TMEM132B: variants seen among roughly 807,000 people sequenced by gnomAD.
TMEM132B encodes transmembrane protein 132B.
Under a neutral mutation model 90.8 loss-of-function variants are expected in TMEM132B, and 18 were observed. The observed-to-expected ratio is 0.20, with a 90% CI of 0.14 to 0.29. The LOEUF (loss-of-function observed/expected upper bound fraction) is 0.29, where lower values mean the gene tolerates loss of function less well. TMEM132B is among the 10% of genes least tolerant of loss of function. TMEM132B has a pLI of 1.00. For synonymous variants in TMEM132B, 504 were observed against 523.3 expected, an observed-to-expected ratio of 0.96 and a Z score of 0.50; for missense variants, 1,096 against 1,326.8, an observed-to-expected ratio of 0.83 and a Z score of 2.70.
intron 2 of TMEM132B, among the ~76,000 whole-genome samples, chr12:125,399,991 G>A (rs1342942357): frequency 6.6e-6 from 1 of 152,150 alleles, no homozygotes; most frequent in Non-Finnish European, 1.5e-5. Flanking sequence ...AGCTGCCTTG[G>A]ATGGGGTGGA....
Position 125,209,199 on chromosome 12 carries a change from T to C in TMEM132B, c.67+22333T>C, listed in dbSNP as rs1873259897. Among the ~76,000 whole-genome samples the C allele has an allele frequency of 1.3e-5, 2 of 152,188 alleles. No homozygotes were observed. The highest frequency in any genetic ancestry group is 2.9e-5 in the Non-Finnish European group (2 of 68,030). ...GGGAAGAAAAAGAAAAGGGGAAGCC[T>C]CTGGCCAGCCTGAGCCTGGGTGCAC... is the stretch of plus-strand genomic sequence containing the variant. On this transcript the variant is annotated intron_variant, in intron 1 of 8. Coordinates refer to ENST00000682704, the MANE Select transcript of TMEM132B (RefSeq NM_001366854.1). This position sits in a 1 kb window ranked among gnomAD's most constrained non-coding sequence, Gnocchi z 4.4.
intron 3 of TMEM132B, among the ~76,000 whole-genome samples, chr12:125,486,846 T>C (rs1882218034): frequency 6.6e-6 from 1 of 152,228 alleles, no homozygotes; most frequent in Non-Finnish European, 1.5e-5. Flanking sequence ...GAGCCATTGT[T>C]GATAGATGTT....
rs377055980 is a variant in TMEM132B at position 125,415,633 on chromosome 12, G to A, written c.1062G>A (p.Ser354=). ...EEIDNGSTQT[S]ATLTCMGHRP... ...TTGATAATGGCAGCACTCAGACGTC[G>A]GCCACCCTCACCTGCATGGGCCATC... The change falls in exon 3 of 9, where the codon TCG becomes TCA. Residue 354 remains serine (S), a synonymous_variant. Coordinates refer to ENST00000682704, the MANE Select transcript of TMEM132B (RefSeq NM_001366854.1). The surrounding 1 kb of genome is among the most constrained non-coding windows in gnomAD (Gnocchi z 5.3). The A allele has an allele frequency of 7.9e-5, 128 of 1,614,044 alleles. No homozygotes were observed. The highest frequency in any genetic ancestry group is 2.1e-4 in the African/African-American group (16 of 74,908).
At chr12:125,608,657 C>A (rs1885754516) in intron 5 of TMEM132B, among the ~76,000 whole-genome samples, 1 of 152,126 alleles carries the variant, frequency 6.6e-6, no homozygotes, top group Non-Finnish European at 1.5e-5. Flanking sequence ...AATCAAAAGT[C>A]ATAAAGTTTT....
chr12:125,350,857 G>T (rs763600458), intron 2 of TMEM132B, among the ~76,000 whole-genome samples: 41 of 152,192 alleles, frequency 2.7e-4, no homozygotes, highest in African/African-American at 6.0e-4. Flanking sequence ...GGTCAGGGGC[G>T]TATCATCAGG....
At chr12:125,187,347 C>T (rs1957766101) in intron 1 of TMEM132B, among the ~76,000 whole-genome samples, 1 of 152,200 alleles carries the variant, frequency 6.6e-6, no homozygotes, top group African/African-American at 2.4e-5. Flanking sequence ...CGCTGTCTGG[C>T]TTGTCCGCAG....
At chr12:125,509,135 A>T (rs369801875) in intron 3 of TMEM132B, among the ~76,000 whole-genome samples, 1 of 152,040 alleles carries the variant, frequency 6.6e-6, no homozygotes, top group African/African-American at 2.4e-5. Flanking sequence ...CCCCCTGTGG[A>T]TATATAACAG....
intron 1 of TMEM132B, among the ~76,000 whole-genome samples, chr12:125,305,584 T>A (rs1875937177): frequency 6.6e-6 from 1 of 152,188 alleles, no homozygotes; most frequent in South Asian, 2.1e-4. Context: ...CATTTTATCT[T>A]TTCTAAGGTT....
At chr12:125,539,218 C>G (rs1883891653) in intron 4 of TMEM132B, among the ~76,000 whole-genome samples, 1 of 152,208 alleles carries the variant, frequency 6.6e-6, no homozygotes, top group South Asian at 2.1e-4. Flanking sequence ...TGTGTGCCTT[C>G]TCTTGCCCAC....
intron 2 of TMEM132B, among the ~76,000 whole-genome samples, chr12:125,358,003 T>C (rs1456204374): frequency 6.6e-6 from 1 of 152,230 alleles, no homozygotes; most frequent in Non-Finnish European, 1.5e-5. Context: ...GGCTGCCAGC[T>C]CTATGTAGTG....
rs1231828229 is a variant in TMEM132B, at chr12:125,277,672, C to T, written c.68-71780C>T. 6.6e-6 allele frequency among the ~76,000 whole-genome samples: 1 copy of T among 152,098 alleles called. No individual in the cohort carries two copies. Reference sequence around the variant, plus strand: ...ACCTCTCCAGAGCCTTTGGAGGGAGCAGGGTCCTACCCACACCTTGGTCTT... The same window carrying T: ...ACCTCTCCAGAGCCTTTGGAGGGAGTAGGGTCCTACCCACACCTTGGTCTT... On this transcript the variant is annotated intron_variant, in intron 1 of 8. Transcript: ENST00000682704. This position sits in a 1 kb window ranked among gnomAD's most constrained non-coding sequence, Gnocchi z 4.3.
chr12:125,625,130 C>CCTTTTTTTTT (rs1459129162), intron 5 of TMEM132B, among the ~76,000 whole-genome samples: 1 of 103,912 alleles, frequency 9.6e-6, no homozygotes, highest in African/African-American at 3.9e-5. Flanking sequence ...GATTTGACTT[C>CCTTTTTTTTT]TTTTTTTTTT....
intron 1 of TMEM132B, among the ~76,000 whole-genome samples, chr12:125,284,214 T>C (rs1247313487): frequency 6.6e-6 from 1 of 152,222 alleles, no homozygotes; most frequent in Non-Finnish European, 1.5e-5. Context: ...AGGGATACAC[T>C]GATAATTCAG....
intron 1 of TMEM132B, among the ~76,000 whole-genome samples, chr12:125,241,270 G>A (rs1003269866): frequency 1.3e-5 from 2 of 152,180 alleles, no homozygotes; most frequent in South Asian, 2.1e-4. Context: ...AGGTCATGGT[G>A]AGCGTAAATG....
At chr12:125,193,754 G>A (rs950645959) in intron 1 of TMEM132B, among the ~76,000 whole-genome samples, 5 of 152,190 alleles carry the variant, frequency 3.3e-5, no homozygotes, top group African/African-American at 7.2e-5. Context: ...GGTATAAATC[G>A]GGGCTAAGCA....
intron 5 of TMEM132B, among the ~76,000 whole-genome samples, chr12:125,604,042 T>C (rs569158716): frequency 6.6e-6 from 1 of 152,340 alleles, no homozygotes; most frequent in South Asian, 2.1e-4. Flanking sequence ...GTGCTGTGAT[T>C]CCTCAAGGAT....
rs1224459201 is a variant in TMEM132B, at chr12:125,499,353, G to T, written c.1107-20086G>T. ...GGAGAACCCCTGAGACTATTGCTAT[G>T]GAATAAAAGATGAAATGCTCCTGAT... On this transcript the variant is annotated intron_variant, in intron 3 of 8. Transcript: ENST00000682704. Among the ~76,000 whole-genome samples the T allele has an allele frequency of 3.3e-5, 5 of 152,166 alleles. No individual in the cohort carries two copies. In the East Asian group the frequency reaches 9.6e-4, roughly 29 times the overall value.
At chr12:125,372,076 G>A (rs1878309776) in intron 2 of TMEM132B, among the ~76,000 whole-genome samples, 1 of 152,236 alleles carries the variant, frequency 6.6e-6, no homozygotes. Context: ...ATTTCTTCCT[G>A]TCTGTGTGGT....
chr12:125,581,610 C>G lies in TMEM132B; in HGVS notation c.1294-2241C>G, dbSNP rs113162594. Among the ~76,000 whole-genome samples, 1,020 of 151,508 alleles carry G rather than the reference C, an allele frequency of 6.7e-3. 13 individuals are homozygous for G. Among genetic ancestry groups the G allele is most frequent in the African/African-American group, 0.021 (872 of 41,300 alleles). On this transcript the variant is annotated intron_variant, in intron 4 of 8. Transcript: ENST00000682704. ...CACTGATGGCAGGAATCGGGTGATA[C>G]AGAGAGAAAAAAAATGAAACATTGT...
Sources: allele counts gnomAD v4.1 joint callset (sites outside exome capture counted in the v4.1 genomes callset), GRCh38; gene constraint gnomAD v4.1.1; non-coding constraint Gnocchi (gnomAD v3.1); transcripts MANE v1.5; gene names NCBI Gene and HGNC (gene_info 2026-07-23, HGNC 2026-07-21).